DTL: variants seen among roughly 807,000 people sequenced by gnomAD.
DTL encodes the protein denticleless protein homolog.
In DTL, 46 loss-of-function variants were observed where a neutral mutation model predicts 87.0. The ratio of observed to expected loss-of-function variants is 0.53; its 90% CI spans 0.42 to 0.68. DTL has a LOEUF of 0.68. Ranked by LOEUF, DTL falls within the 30% of genes least tolerant of loss-of-function variation. The probability of loss-of-function intolerance (pLI) is 0.00; values close to 1 mark genes in which losing one functional copy is unlikely to be tolerated. For synonymous variants in DTL, 308 were observed against 311.2 expected, an observed-to-expected ratio of 0.99 and a Z score of 0.11; for missense variants, 737 against 869.4, an observed-to-expected ratio of 0.85 and a Z score of 1.91.
chr1:212,099,168 G>T (rs1038652936), intron 13 of DTL, among the ~76,000 whole-genome samples: 2 of 152,128 alleles, frequency 1.3e-5, no homozygotes, highest in Admixed American at 6.5e-5. Context: ...CCATGATCTG[G>T]ATCCTCAGTG....
intron 13 of DTL, among the ~76,000 whole-genome samples, chr1:212,093,016 A>G (rs187345370): frequency 6.6e-6 from 1 of 152,188 alleles, no homozygotes; most frequent in Admixed American, 6.5e-5. Flanking sequence ...TTTTTTCATA[A>G]GTTTGATGGC....
At position 212,044,755 on chromosome 1, in the gene DTL, A is replaced by G. The variant is rs373405023; in HGVS notation, c.274A>G (p.Lys92Glu). The G allele has an allele frequency of 2.5e-6, 4 of 1,603,818 alleles. No homozygotes were observed. In the African/African-American group the frequency reaches 5.4e-5, roughly 21 times the overall value. Residue 92 changes from lysine to glutamate, a missense_variant, in exon 3 of 15, where the codon AAA becomes GAA. By Grantham distance (56) the Lys-to-Glu change is moderately conservative. Coordinates refer to ENST00000366991, the MANE Select transcript of DTL (RefSeq NM_016448.4). ...ACAAAGTTTCAGAAAGAAGTGCTTC[A>G]AAGGTAAGTCTAGGTCTACAATTTT... is the stretch of plus-strand genomic sequence containing the variant. ...ESQSFRKKCF[K>E]EWMAHWNAVF... is the part of the protein sequence containing the mutation.
intron 5 of DTL, among the ~76,000 whole-genome samples, chr1:212,047,663 G>A (rs940441369): frequency 3.3e-5 from 5 of 152,168 alleles, no homozygotes; most frequent in Non-Finnish European, 5.9e-5. Flanking sequence ...AGCCTCCGGA[G>A]TAGCTGGGAC....
chr1:212,057,611 G>A (rs1668217294), intron 5 of DTL, among the ~76,000 whole-genome samples: 1 of 151,970 alleles, frequency 6.6e-6, no homozygotes, highest in Non-Finnish European at 1.5e-5. Context: ...AGGAAAGGCT[G>A]AAATGTTACC....
rs1415770286 is a variant in DTL, at chr1:212,064,950, G to A, written c.560G>A (p.Gly187Glu). The change falls in exon 7 of 15, where the codon GGA (glycine) becomes GAA (glutamate). Residue 187 changes from glycine (G) to glutamate (E), a missense_variant. Coordinates refer to ENST00000366991, the MANE Select transcript of DTL (RefSeq NM_016448.4). Reference protein sequence around the residue: ...GFYRQVNQISGAHNTSDKQTP... With the variant: ...GFYRQVNQISEAHNTSDKQTP... ...TATAGGCAAGTGAATCAAATCAGTG[G>A]AGCTCACAATACCTCAGACAAGCAA... 2 of 1,614,018 alleles carry A rather than the reference G, an allele frequency of 1.2e-6. No individual in the cohort carries two copies. Among genetic ancestry groups the A allele is most frequent in the Non-Finnish European group, 8.5e-7 (1 of 1,179,972 alleles).
chr1:212,058,210 G>T (rs1199150920), intron 5 of DTL, among the ~76,000 whole-genome samples: 1 of 152,108 alleles, frequency 6.6e-6, no homozygotes, highest in African/African-American at 2.4e-5. Flanking sequence ...ATGGACCTAA[G>T]AGATATTTAC....
At chr1:212,060,597 G>A (rs572485806) in intron 5 of DTL, among the ~76,000 whole-genome samples, 13 of 152,050 alleles carry the variant, frequency 8.5e-5, no homozygotes, top group Admixed American at 7.2e-4. Context: ...TTAGCTTGAC[G>A]TGGTAGGCGC....
intron 8 of DTL, among the ~76,000 whole-genome samples, 189 bp from the exon 9 acceptor site, chr1:212,068,035 A>C (rs1185532993): frequency 1.3e-5 from 2 of 152,206 alleles, no homozygotes; most frequent in African/African-American, 2.4e-5. Context: ...CCGTTCTGTC[A>C]GAATTATAAG....
At chr1:212,074,827 TG>T (rs1422813702) in intron 11 of DTL, among the ~76,000 whole-genome samples, 3 of 152,174 alleles carry the variant, frequency 2.0e-5, no homozygotes, top group African/African-American at 7.2e-5. Flanking sequence ...AAGGGAGTTT[TG>T]TATCTTAAGA....
Position 212,068,800 on chromosome 1 carries a change from T to G in DTL, c.922+97T>G, listed in dbSNP as rs911334525. Reference sequence around the variant, plus strand: ...TGGGCTTTCTTCTAAACTGAACTTATTAAGCCATATGAGGACTTTGGCATC... The same window carrying G: ...TGGGCTTTCTTCTAAACTGAACTTAGTAAGCCATATGAGGACTTTGGCATC... On this transcript the variant is annotated intron_variant, in intron 10 of 14. Transcript: ENST00000366991. 3 of 714,368 alleles carry G rather than the reference T, an allele frequency of 4.2e-6. No homozygotes were observed. In the African/African-American group the frequency reaches 5.4e-5, roughly 13 times the overall value. The allele number at this position is 714,368 out of a possible 1,614,324, so 44.3% of individuals were successfully genotyped here. A position where few individuals can be genotyped will look rare whatever the true frequency, so the allele number is the denominator to read the frequency against.
At chr1:212,088,027 A>G (rs1020959769) in intron 13 of DTL, among the ~76,000 whole-genome samples, 2 of 152,186 alleles carry the variant, frequency 1.3e-5, no homozygotes, top group African/African-American at 2.4e-5. Context: ...GTTGAAACCA[A>G]TAGTCCTCAA....
intron 5 of DTL, among the ~76,000 whole-genome samples, chr1:212,048,915 TTTG>T (rs1667883393): frequency 6.6e-6 from 1 of 151,372 alleles, no homozygotes; most frequent in African/African-American, 2.4e-5. Context: ...TGTTTGTTTG[TTTG>T]TTTGTTTGTT....
chr1:212,100,534 T>C lies in DTL; in HGVS notation c.1544T>C (p.Ile515Thr), dbSNP rs746496300. 1 of 1,614,010 alleles carries C rather than the reference T, an allele frequency of 6.2e-7. No homozygotes were observed. The highest frequency in any genetic ancestry group is 8.5e-7 in the Non-Finnish European group (1 of 1,179,996). Residue 515 changes from isoleucine (I) to threonine (T), a missense_variant, in exon 14 of 15, where the codon ATC becomes ACC. By Grantham distance (89) the Ile-to-Thr change is moderately conservative. Coordinates refer to ENST00000366991, the MANE Select transcript of DTL (RefSeq NM_016448.4). Reference protein sequence around the residue: ...VTRTPSSSPPITPPASETKIM... With the variant: ...VTRTPSSSPPTTPPASETKIM... ...CGAACACCTTCCTCATCACCACCCA[T>C]CACTCCACCTGCTTCGGAGACCAAG... is the stretch of plus-strand genomic sequence containing the variant.
At chr1:212,058,715 T>TA (rs749665601) in intron 5 of DTL, among the ~76,000 whole-genome samples, 182 of 150,916 alleles carry the variant, frequency 1.2e-3, no homozygotes, top group African/African-American at 3.6e-3. Context: ...AATAGAGACT[T>TA]AAAAAAACAA....
rs58890704 is a variant in DTL at position 212,052,643 on chromosome 1, C to CAAAA, written c.460+5239_460+5242dup. Among the ~76,000 whole-genome samples, 29 of 115,626 alleles carry CAAAA rather than the reference C, an allele frequency of 2.5e-4. 1 individual carries two copies. Among genetic ancestry groups the CAAAA allele is most frequent in the African/African-American group, 6.5e-4 (19 of 29,412 alleles). 75.9% of individuals were successfully genotyped at this position (115,626 alleles called of 152,430 possible). ...TGGGCAACAGAGCGAGACTCTGCCT[C>CAAAA]AAAAAAAAAAAAAAAAGAAATATTT... is the stretch of plus-strand genomic sequence containing the variant. On this transcript the variant is annotated intron_variant, in intron 5 of 14. Transcript: ENST00000366991.
At chr1:212,090,275 C>T (rs1655245695) in intron 13 of DTL, among the ~76,000 whole-genome samples, 1 of 152,162 alleles carries the variant, frequency 6.6e-6, no homozygotes, top group Admixed American at 6.5e-5. Flanking sequence ...CAAGGCAAGA[C>T]TGCTTTAGGA....
At chr1:212,079,572 A>G (rs1654933086) in intron 12 of DTL, among the ~76,000 whole-genome samples, 1 of 152,154 alleles carries the variant, frequency 6.6e-6, no homozygotes, top group African/African-American at 2.4e-5. Context: ...TAGCTCTTCC[A>G]TTTGATTGTG....
intron 5 of DTL, among the ~76,000 whole-genome samples, chr1:212,049,796 A>G (rs1326199226): frequency 2.0e-5 from 3 of 152,064 alleles, no homozygotes; most frequent in African/African-American, 7.2e-5. Context: ...TTGGGCCTTC[A>G]TTTTCTAATT....
At chr1:212,052,738 ATAT>A (rs1043408382) in intron 5 of DTL, among the ~76,000 whole-genome samples, 5 of 147,188 alleles carry the variant, frequency 3.4e-5, no homozygotes, top group African/African-American at 1.3e-4. Flanking sequence ...CCATATATAT[ATAT>A]TTTTTTTCAA....
Sources: allele counts gnomAD v4.1 joint callset (sites outside exome capture counted in the v4.1 genomes callset), GRCh38; gene constraint gnomAD v4.1.1; transcripts MANE v1.5; gene names NCBI Gene and HGNC (gene_info 2026-07-23, HGNC 2026-07-21).